ABCA8: variants seen among roughly 807,000 people sequenced by gnomAD.
The protein encoded by ABCA8 is ABC-type organic anion transporter ABCA8.
Under a neutral mutation model 192.3 loss-of-function variants are expected in ABCA8, and 177 were observed. The ratio of observed to expected loss-of-function variants is 0.92; its 90% CI spans 0.81 to 1.04. The LOEUF (loss-of-function observed/expected upper bound fraction) is 1.04, where lower values mean the gene tolerates loss of function less well. Ranked by LOEUF, ABCA8 falls within the 50% of genes least tolerant of loss-of-function variation. The pLI is 0.00. For synonymous variants in ABCA8, 642 were observed against 690.2 expected (o/e 0.93, Z 1.09); for missense variants, 1,915 against 1,904.8 (o/e 1.01, Z -0.10).
rs775231012 is a variant in ABCA8 at position 68,887,341 on chromosome 17, T to A, written c.3310A>T (p.Ile1104Phe). ...ACTTGGATATTGTCACTTACTTGAATAATATGAATTATTGTAAGTAGCATG... is the reference window on the plus strand; with the variant it reads ...ACTTGGATATTGTCACTTACTTGAAAAATATGAATTATTGTAAGTAGCATG... ...EDMLLTIIHI[I>F]QIPCAVGYSF... Residue 1104 changes from isoleucine to phenylalanine, a missense_variant, in exon 25 of 40, where the codon ATT becomes TTT. Physicochemically the swap from Ile to Phe is conservative, Grantham distance 21. Coordinates refer to ENST00000586539, the MANE Select transcript of ABCA8 (RefSeq NM_001288985.2). 6.3e-7 allele frequency: 1 copy of A among 1,598,176 alleles called. No homozygotes were observed. Among genetic ancestry groups the A allele is most frequent in the Non-Finnish European group, 8.5e-7 (1 of 1,170,658 alleles).
At chr17:68,901,796 G>A (rs1446496035) in intron 21 of ABCA8, among the ~76,000 whole-genome samples, 22 of 139,186 alleles carry the variant, frequency 1.6e-4, no homozygotes, top group Non-Finnish European at 1.1e-4. Flanking sequence ...GACACAGAGC[G>A]AGATTCCATC....
At chr17:68,871,812 T>TA (rs2066065197) in intron 37 of ABCA8, among the ~76,000 whole-genome samples, 1 of 152,182 alleles carries the variant, frequency 6.6e-6, no homozygotes, top group South Asian at 2.1e-4. Context: ...TAACCAAACT[T>TA]ACTGTGCTGC....
intron 35 of ABCA8, 107 bp from the exon 36 acceptor site, chr17:68,875,840 G>T: frequency 7.6e-7 from 1 of 1,312,226 alleles, no homozygotes; most frequent in South Asian, 1.5e-5. Context: ...TTAGCAAAAA[G>T]AGATTAAGTA....
intron 4 of ABCA8, among the ~76,000 whole-genome samples, chr17:68,937,658 TA>T (rs2068106650): frequency 6.6e-6 from 1 of 152,172 alleles, no homozygotes; most frequent in African/African-American, 2.4e-5. Context: ...GATGTTTTAT[TA>T]ATACTGAAAA....
Position 68,929,672 on chromosome 17 carries a change from G to C in ABCA8, c.828C>G (p.Phe276Leu). 4.3e-6 allele frequency: 7 copies of C among 1,613,524 alleles called. No homozygotes were observed. The highest frequency in any genetic ancestry group is 5.9e-6 in the Non-Finnish European group (7 of 1,179,704). Reference protein sequence around the residue: ...WLSWGLLYAGFIFIMALFLAL... With the variant: ...WLSWGLLYAGLIFIMALFLAL... Reference sequence around the variant, plus strand: ...CCAAGAAAAGGGCCATAATGAAGATGAAACCAGCATAGAGCAAACCCCAGG... The same window carrying C: ...CCAAGAAAAGGGCCATAATGAAGATCAAACCAGCATAGAGCAAACCCCAGG... The change falls in exon 8 of 40, where the codon TTC becomes TTG. Residue 276 changes from phenylalanine (F) to leucine (L), a missense_variant. By Grantham distance (22) the Phe-to-Leu change is conservative. Transcript: ENST00000586539.
intron 2 of ABCA8, among the ~76,000 whole-genome samples, chr17:68,944,359 T>TACATATACAC (rs1555619474): frequency 1.4e-5 from 1 of 69,464 alleles, no homozygotes; most frequent in Non-Finnish European, 2.9e-5. Flanking sequence ...TATATATATA[T>TACATATACAC]ACACATATAC....
chr17:68,942,091 A>T, intron 2 of ABCA8, 52 bp from the exon 3 acceptor site: 1 of 1,361,082 alleles, frequency 7.3e-7, no homozygotes, highest in Middle Eastern at 1.9e-4. Flanking sequence ...TTCTTAAGAA[A>T]AAGAAATATC....
At chr17:68,882,526 A>G in intron 30 of ABCA8, 73 bp downstream of exon 30, 1 of 1,393,452 alleles carries the variant, frequency 7.2e-7, no homozygotes, top group Non-Finnish European at 9.7e-7. Context: ...TGTAAGGAAC[A>G]GAGAAACTCA....
Position 68,929,189 on chromosome 17 carries a change from G to C in ABCA8, c.985C>G (p.Leu329Val), listed in dbSNP as rs1421581475. Residue 329 changes from leucine to valine, a missense_variant, in exon 9 of 40, where the codon CTC (leucine) becomes GTC (valine). Coordinates refer to ENST00000586539, the MANE Select transcript of ABCA8 (RefSeq NM_001288985.2). Reference sequence around the variant, plus strand: ...AGGAGGAACACGACCAGGCCGGTGAGGAAAGATTTCTTTACCAAGATGCTC... The same window carrying C: ...AGGAGGAACACGACCAGGCCGGTGACGAAAGATTTCTTTACCAAGATGCTC... ...LMSILVKKSF[L>V]TGLVVFLLTV... The C allele has an allele frequency of 6.2e-7, 1 of 1,606,530 alleles. No individual in the cohort carries two copies. The highest frequency in any genetic ancestry group is 1.1e-5 in the South Asian group (1 of 88,930).
chr17:68,949,730 A>G (rs1260139226), intron 1 of ABCA8, among the ~76,000 whole-genome samples: 1 of 152,242 alleles, frequency 6.6e-6, no homozygotes, highest in Non-Finnish European at 1.5e-5. Context: ...ATGGCCTTTC[A>G]TAAAATTCAA....
In ABCA8 at chr17:68,875,691, G is replaced by T; in HGVS notation, c.4413C>A (p.Ala1471=). 3 of 1,614,122 alleles carry T rather than the reference G, an allele frequency of 1.9e-6. No homozygotes were observed. Among genetic ancestry groups the T allele is most frequent in the Non-Finnish European group, 1.7e-6 (2 of 1,180,000 alleles). The stretch of plus-strand genomic sequence containing the variant: ...CTGCCATGTAGTGGGTGGTTAGGAG[G>T]GCACCCCTTTCCGTGTTTCTAAAGG... ...RATFRNTERG[A]LLTTHYMAEA... The change falls in exon 36 of 40, where the codon GCC becomes GCA. Residue 1471 remains alanine (A), a synonymous_variant. Coordinates refer to ENST00000586539, the MANE Select transcript of ABCA8 (RefSeq NM_001288985.2).
intron 20 of ABCA8, 108 bp downstream of exon 20, chr17:68,903,193 C>T: frequency 8.5e-7 from 1 of 1,172,648 alleles, no homozygotes. Flanking sequence ...TCCCTTTCTG[C>T]TGCCTAATTC....
chr17:68,874,517 C>T (rs2066150382), intron 37 of ABCA8, among the ~76,000 whole-genome samples: 2 of 152,322 alleles, frequency 1.3e-5, no homozygotes, highest in Non-Finnish European at 2.9e-5. Context: ...TGCAGTCATT[C>T]TCACCTATTT....
At chr17:68,906,467 A>C (rs1191764648) in intron 18 of ABCA8, among the ~76,000 whole-genome samples, 1 of 151,810 alleles carries the variant, frequency 6.6e-6, no homozygotes, top group Non-Finnish European at 1.5e-5. Context: ...TAATTGTGAG[A>C]CTCTGGGTTT....
intron 37 of ABCA8, among the ~76,000 whole-genome samples, chr17:68,870,532 C>T (rs913560085): frequency 6.6e-6 from 1 of 152,170 alleles, no homozygotes; most frequent in Non-Finnish European, 1.5e-5. Context: ...CTTCTCTCCC[C>T]AGCCTAGTAC....
In ABCA8 at chr17:68,894,283, C is replaced by T. The variant is rs1456657151; in HGVS notation, c.2926G>A (p.Ala976Thr). The change falls in exon 23 of 40, where the codon GCC (alanine) becomes ACC (threonine). Residue 976 changes from alanine (A) to threonine (T), a missense_variant. Transcript: ENST00000586539. ...KNYSFSLACN[A>T]KRLNCFPVLM... is the part of the protein sequence containing the mutation. The stretch of plus-strand genomic sequence containing the variant: ...ACTGGGAAGCAATTCAATCTTTTGG[C>T]ATTGCATGCTAACGAAAAGCTGTAA... 1.9e-6 allele frequency: 3 copies of T among 1,610,308 alleles called. No homozygotes were observed. The African/African-American group carries it at 4.0e-5, about 22-fold the overall frequency.
At chr17:68,879,012 T>C (rs2066272788) in intron 32 of ABCA8, 6 of 152,242 alleles carry the variant, frequency 3.9e-5, no homozygotes, top group Admixed American at 3.9e-4. Flanking sequence ...TCTTAAGGTT[T>C]TCTATCTTCT....
At chr17:68,933,548 G>C (rs4147969) in intron 5 of ABCA8, among the ~76,000 whole-genome samples, 15,315 of 152,160 alleles carry the variant, frequency 0.1, 1,591 homozygotes, top group African/African-American at 0.25. Flanking sequence ...TTCTGCTGAT[G>C]AAGAATTTTG....
At chr17:68,923,799 G>T (rs1421802330) in intron 11 of ABCA8, among the ~76,000 whole-genome samples, 1 of 152,192 alleles carries the variant, frequency 6.6e-6, no homozygotes, top group Non-Finnish European at 1.5e-5. Context: ...ACTGACACAG[G>T]CTGGTCATTG....
Sources: gnomAD v4.1 joint callset for allele counts (sites outside exome capture counted in the v4.1 genomes callset) on GRCh38, gnomAD v4.1.1 for gene constraint, MANE v1.5 for transcripts, NCBI Gene and HGNC (gene_info 2026-07-23, HGNC 2026-07-21) for gene names.